PFN1: variants seen among roughly 807,000 people sequenced by gnomAD.
PFN1 encodes the protein profilin-1.
PFN1 carries 2 observed loss-of-function variants against 11.7 expected under a neutral mutation model. The ratio of observed to expected loss-of-function variants is 0.17; its 90% CI spans 0.07 to 0.54. PFN1 has a LOEUF of 0.54. PFN1 is among the 20% of genes least tolerant of loss of function. The pLI is 0.94. For synonymous variants in PFN1, 78 were observed against 76.2 expected, an observed-to-expected ratio of 1.02 and a Z score of -0.12; for missense variants, 97 against 188.4, an observed-to-expected ratio of 0.51 and a Z score of 2.84.
chr17:4,946,198 G>A (rs1971387778), intron 2 of PFN1, among the ~76,000 whole-genome samples: 2 of 143,034 alleles, frequency 1.4e-5, no homozygotes, highest in Non-Finnish European at 3.0e-5. Flanking sequence ...AAGCTTAAAC[G>A]CTGGAGAGGA....
chr17:4,946,042 C>T, intron 2 of PFN1, 45 bp from the exon 3 acceptor site: 1 of 1,393,274 alleles, frequency 7.2e-7, no homozygotes, highest in South Asian at 1.2e-5. Flanking sequence ...CCAGGTGTCA[C>T]AATTCCACCC....
Position 4,946,014 on chromosome 17 carries a change from G to C in PFN1, c.326-17C>G. On this transcript the variant is annotated splice_polypyrimidine_tract_variant and intron_variant, in intron 2 of 2. Coordinates refer to ENST00000225655, the MANE Select transcript of PFN1 (RefSeq NM_005022.4). ...GGACTAGCGCTGGAGGAGGAGGAAA[G>C]AGAAAGGAGGCTAGGATCCAGGTGT... The C allele has an allele frequency of 6.4e-7, 1 of 1,572,560 alleles. No homozygotes were observed. The highest frequency in any genetic ancestry group is 8.8e-7 in the Non-Finnish European group (1 of 1,142,522).
At chr17:4,946,027 A>G (rs773831175) in intron 2 of PFN1, 30 bp from the exon 3 acceptor site, 2 of 1,524,420 alleles carry the variant, frequency 1.3e-6, no homozygotes, top group Non-Finnish European at 1.8e-6. Flanking sequence ...AAAGGAGGCT[A>G]GGATCCAGGT....
In PFN1 at chr17:4,948,490, G is replaced by A; in HGVS notation, c.-96C>T. On this transcript the variant is annotated 5_prime_UTR_variant, in exon 1 of 3. Transcript: ENST00000225655. ...GCGGGCGGGGGGAGGCGGAGAGCTC[G>A]GGGCACGCGCTGCCGTCCGGACCGC... is the stretch of plus-strand genomic sequence containing the variant. 4.4e-6 allele frequency: 6 copies of A among 1,366,708 alleles called. No individual in the cohort carries two copies. Among genetic ancestry groups the A allele is most frequent in the African/African-American group, 1.5e-5 (1 of 65,830 alleles). 84.7% of individuals were successfully genotyped at this position (1,366,708 alleles called of 1,614,324 possible). A position where few individuals can be genotyped will look rare whatever the true frequency, so the allele number is the denominator to read the frequency against.
rs1296046385 is a variant in PFN1, at chr17:4,945,689, C to T, written c.*211G>A. 1 of 467,876 alleles carries T rather than the reference C, an allele frequency of 2.1e-6. No individual in the cohort carries two copies. Among genetic ancestry groups the T allele is most frequent in the Admixed American group, 3.7e-5 (1 of 27,264 alleles). The allele number at this position is 467,876 out of a possible 1,614,324, so 29.0% of individuals were successfully genotyped here. A position where few individuals can be genotyped will look rare whatever the true frequency, so the allele number is the denominator to read the frequency against. On this transcript the variant is annotated 3_prime_UTR_variant, in exon 3 of 3. Coordinates refer to ENST00000225655, the MANE Select transcript of PFN1 (RefSeq NM_005022.4). ...TCTTTTTTATTCAGAAAAAAAAAAC[C>T]CCAAAAAACAAAAGTTTTCCAACCA...
At chr17:4,948,212 C>G (rs994353484) in intron 1 of PFN1, 51 bp downstream of exon 1, 10 of 1,537,412 alleles carry the variant, frequency 6.5e-6, no homozygotes, top group Non-Finnish European at 8.8e-6. Context: ...AAGTCCCTCC[C>G]TCAGGGTCCA....
In PFN1 at chr17:4,945,867, T is replaced by C; in HGVS notation, c.*33A>G. 7.5e-7 allele frequency: 1 copy of C among 1,337,710 alleles called. No individual in the cohort carries two copies. The highest frequency in any genetic ancestry group is 1.1e-6 in the Non-Finnish European group (1 of 928,640). 82.9% of individuals were successfully genotyped at this position (1,337,710 alleles called of 1,614,324 possible). On this transcript the variant is annotated 3_prime_UTR_variant, in exon 3 of 3. Coordinates refer to ENST00000225655, the MANE Select transcript of PFN1 (RefSeq NM_005022.4). Reference sequence around the variant, plus strand: ...TGGGGAGGAAAGGGGTGCAAAGCTGTGGGGAGCGGTGAAGGGGAAGGGACA... The same window carrying C: ...TGGGGAGGAAAGGGGTGCAAAGCTGCGGGGAGCGGTGAAGGGGAAGGGACA...
At chr17:4,946,406 T>G (rs1403516884) in intron 2 of PFN1, among the ~76,000 whole-genome samples, 1 of 152,074 alleles carries the variant, frequency 6.6e-6, no homozygotes, top group Non-Finnish European at 1.5e-5. Flanking sequence ...CAGTAAGTAA[T>G]TTAAGAGGTA....
chr17:4,947,733 C>G (rs574036296), intron 1 of PFN1, among the ~76,000 whole-genome samples: 18 of 151,674 alleles, frequency 1.2e-4, no homozygotes, highest in African/African-American at 3.6e-4. Context: ...GCTGGGGGGG[C>G]GTGTGGTGGC....
chr17:4,947,320 T>C lies in PFN1; in HGVS notation c.133-500A>G, dbSNP rs1473058729. 2.0e-5 allele frequency: 3 copies of C among 152,434 alleles called. No homozygotes were observed. In the East Asian group the frequency reaches 5.8e-4, roughly 29 times the overall value. The allele number at this position is 152,434 out of a possible 1,614,324, so 9.4% of individuals were successfully genotyped here. Reference sequence around the variant, plus strand: ...CCTAGAGTTTAGCTCCAGGTATCTCTGCTCTGAGATGAGGAAGCAGACCCC... The same window carrying C: ...CCTAGAGTTTAGCTCCAGGTATCTCCGCTCTGAGATGAGGAAGCAGACCCC... On this transcript the variant is annotated intron_variant, in intron 1 of 2. Transcript: ENST00000225655.
In PFN1 at chr17:4,945,751, C is replaced by A; in HGVS notation, c.*149G>T. ...GATATGGGTAGGGGGAGGTGTCTGT[C>A]CATCCAGCCCTGGCCCCCAGCCCAT... On this transcript the variant is annotated 3_prime_UTR_variant, in exon 3 of 3. Coordinates refer to ENST00000225655, the MANE Select transcript of PFN1 (RefSeq NM_005022.4). 1.7e-6 allele frequency: 1 copy of A among 582,364 alleles called. No homozygotes were observed. Among genetic ancestry groups the A allele is most frequent in the Non-Finnish European group, 3.2e-6 (1 of 315,210 alleles). 36.1% of individuals were successfully genotyped at this position (582,364 alleles called of 1,614,324 possible).
intron 2 of PFN1, 42 bp downstream of exon 2, chr17:4,946,586 G>C (rs370738769): frequency 4.6e-6 from 7 of 1,505,618 alleles, no homozygotes; most frequent in Non-Finnish European, 6.3e-6. Flanking sequence ...CGGTACATTA[G>C]AGATCTTGGA....
chr17:4,948,443 T>C lies in PFN1; in HGVS notation c.-49A>G, dbSNP rs1971454543. 26 of 1,548,680 alleles carry C rather than the reference T, an allele frequency of 1.7e-5. No individual in the cohort carries two copies. The highest frequency in any genetic ancestry group is 2.3e-5 in the Non-Finnish European group (26 of 1,153,222). The stretch of plus-strand genomic sequence containing the variant: ...CGGCGCTGCTGCTGGGGCCGCGGAC[T>C]GGGCTCGAGCTGCCTCGGCTGGCGG... On this transcript the variant is annotated 5_prime_UTR_variant, in exon 1 of 3. Coordinates refer to ENST00000225655, the MANE Select transcript of PFN1 (RefSeq NM_005022.4).
chr17:4,947,509 C>G (rs1027641354), intron 1 of PFN1: 2 of 151,560 alleles, frequency 1.3e-5, no homozygotes, highest in South Asian at 2.1e-4. Flanking sequence ...CCTTCCCCCC[C>G]CTTTTGAACT....
At chr17:4,948,080 G>T in intron 1 of PFN1, 183 bp downstream of exon 1, 1 of 600,424 alleles carries the variant, frequency 1.7e-6, no homozygotes. Context: ...GCCGCCTGGG[G>T]CATAGGACCT....
At chr17:4,946,050 C>G in intron 2 of PFN1, 53 bp from the exon 3 acceptor site, 1 of 1,340,288 alleles carries the variant, frequency 7.5e-7, no homozygotes. Flanking sequence ...CACAATTCCA[C>G]CCCCTGCCAG....
intron 1 of PFN1, 114 bp downstream of exon 1, chr17:4,948,149 G>T: frequency 8.0e-7 from 1 of 1,257,018 alleles, no homozygotes; most frequent in Non-Finnish European, 1.1e-6. Flanking sequence ...TCCAGGGCAA[G>T]CACCCAGTCA....
At position 4,945,882 on chromosome 17, in the gene PFN1, G is replaced by A. The variant is rs781369153; in HGVS notation, c.*18C>T. 6.0e-6 allele frequency: 9 copies of A among 1,491,018 alleles called. No individual in the cohort carries two copies. In the Admixed American group the frequency reaches 1.5e-4, roughly 25 times the overall value. The allele number at this position is 1,491,018 out of a possible 1,614,324, so 92.4% of individuals were successfully genotyped here. On this transcript the variant is annotated 3_prime_UTR_variant, in exon 3 of 3. Coordinates refer to ENST00000225655, the MANE Select transcript of PFN1 (RefSeq NM_005022.4). ...TGCAAAGCTGTGGGGAGCGGTGAAG[G>A]GGAAGGGACAGACGAGGTCAGTACT... is the stretch of plus-strand genomic sequence containing the variant.
chr17:4,948,501 T>G lies in PFN1; in HGVS notation c.-107A>C. The stretch of plus-strand genomic sequence containing the variant: ...GAGGCGGAGAGCTCGGGGCACGCGC[T>G]GCCGTCCGGACCGCGGCTCCGCTCG... On this transcript the variant is annotated 5_prime_UTR_variant, in exon 1 of 3. Transcript: ENST00000225655. 1 of 1,288,166 alleles carries G rather than the reference T, an allele frequency of 7.8e-7. No homozygotes were observed. The highest frequency in any genetic ancestry group is 1.0e-6 in the Non-Finnish European group (1 of 986,644). 79.8% of individuals were successfully genotyped at this position (1,288,166 alleles called of 1,614,324 possible). A position where few individuals can be genotyped will look rare whatever the true frequency, so the allele number is the denominator to read the frequency against.
Sources: allele counts gnomAD v4.1 joint callset (sites outside exome capture counted in the v4.1 genomes callset), GRCh38; gene constraint gnomAD v4.1.1; transcripts MANE v1.5; gene names NCBI Gene and HGNC (gene_info 2026-07-23, HGNC 2026-07-21).